SPART: variants seen among roughly 807,000 people sequenced by gnomAD.
SPART encodes the protein spastic paraplegia 20 (Troyer syndrome).
In SPART, 35 loss-of-function variants were observed where a neutral mutation model predicts 58.7. The ratio of observed to expected loss-of-function variants is 0.60; its 90% CI spans 0.46 to 0.79. SPART has a LOEUF of 0.79. Ranked by LOEUF, SPART falls within the 30% of genes least tolerant of loss-of-function variation. The pLI is 0.00. For synonymous variants in SPART, 284 were observed against 280.7 expected (o/e 1.01, Z -0.12); for missense variants, 730 against 786.1 (o/e 0.93, Z 0.85).
chr13:36,322,113 A>G (rs1882471605), intron 5 of SPART, among the ~76,000 whole-genome samples: 1 of 152,052 alleles, frequency 6.6e-6, no homozygotes, highest in South Asian at 2.1e-4. Flanking sequence ...GACTCAGCCC[A>G]CCTGCACCCA....
At chr13:36,367,921 A>G (rs561666124) in intron 1 of SPART, among the ~76,000 whole-genome samples, 5 of 152,346 alleles carry the variant, frequency 3.3e-5, no homozygotes, top group African/African-American at 9.6e-5. Flanking sequence ...TATTCTCAGG[A>G]TACGACGGAT....
chr13:36,313,845 G>A (rs1189510872), intron 6 of SPART: 2 of 247,520 alleles, frequency 8.1e-6, no homozygotes, highest in East Asian at 1.1e-4. Context: ...TACCTCCTGC[G>A]TTAAACAATA....
chr13:36,333,133 T>C (rs1883619142), intron 2 of SPART, among the ~76,000 whole-genome samples: 1 of 152,050 alleles, frequency 6.6e-6, no homozygotes, highest in South Asian at 2.1e-4. Flanking sequence ...TTTATAGACC[T>C]TTCCTAGGAC....
intron 1 of SPART, among the ~76,000 whole-genome samples, chr13:36,352,257 C>T (rs943437848): frequency 2.6e-5 from 4 of 152,200 alleles, no homozygotes; most frequent in Non-Finnish European, 4.4e-5. Context: ...CTCTTACAGA[C>T]CAAATATAGT....
intron 2 of SPART, among the ~76,000 whole-genome samples, chr13:36,334,221 G>GA (rs1364182817): frequency 6.6e-6 from 1 of 152,068 alleles, no homozygotes; most frequent in Non-Finnish European, 1.5e-5. Flanking sequence ...CTTTTAAAAC[G>GA]AGACTGTCAC....
chr13:36,315,986 T>C lies in SPART; in HGVS notation c.1289-1565A>G, dbSNP rs148028104. On this transcript the variant is annotated intron_variant, in intron 5 of 8. Transcript: ENST00000438666. ...TGGAAGTATACAGTATACATAAATA[T>C]GTTAAAACTGTAAACACTGCAACAG... Among the ~76,000 whole-genome samples, 247 of 152,336 alleles carry C rather than the reference T, an allele frequency of 1.6e-3. 1 individual carries two copies. The highest frequency in any genetic ancestry group is 3.1e-3 in the Admixed American group (47 of 15,296).
chr13:36,321,749 C>T (rs370073439), intron 5 of SPART, among the ~76,000 whole-genome samples: 2 of 152,136 alleles, frequency 1.3e-5, no homozygotes, highest in African/African-American at 4.8e-5. Flanking sequence ...AATGTCAGGC[C>T]TCTGAGCCCA....
chr13:36,365,250 AAATTAT>A (rs1886011721), intron 1 of SPART, among the ~76,000 whole-genome samples: 1 of 152,248 alleles, frequency 6.6e-6, no homozygotes, highest in Non-Finnish European at 1.5e-5. Context: ...AAGTAAAAAA[AAATTAT>A]ACAGTGCAAA....
chr13:36,304,388 C>A lies in SPART; in HGVS notation c.1978G>T (p.Glu660Ter). Residue 660 changes from glutamate (E) to a stop codon, truncating the protein, a stop_gained, in exon 9 of 9, where the codon GAG (glutamate) becomes TAG (stop). Coordinates refer to ENST00000438666, the MANE Select transcript of SPART (RefSeq NM_015087.5). LOFTEE classifies it high-confidence loss of function. ...EKDEQTKEVK[E>*]AKKKDK ...CATCATTTATCTTTCTTCTTTGCCT[C>A]CTTTACTTCCTTCGTCTGCTCATCC... The A allele has an allele frequency of 6.2e-7, 1 of 1,614,106 alleles. No individual in the cohort carries two copies. The highest frequency in any genetic ancestry group is 8.5e-7 in the Non-Finnish European group (1 of 1,179,982).
At chr13:36,324,807 C>T (rs760783873) in intron 5 of SPART, among the ~76,000 whole-genome samples, 20 of 151,902 alleles carry the variant, frequency 1.3e-4, no homozygotes, top group Non-Finnish European at 2.6e-4. Context: ...AGGGTGGGGC[C>T]GTTTTATAGG....
At chr13:36,356,594 C>A (rs1055940986) in intron 1 of SPART, among the ~76,000 whole-genome samples, 3 of 152,338 alleles carry the variant, frequency 2.0e-5, no homozygotes. Context: ...TGGAAGCCCT[C>A]CTACTTAAAG....
intron 8 of SPART, among the ~76,000 whole-genome samples, chr13:36,307,109 C>T (rs999092055): frequency 1.3e-5 from 2 of 152,022 alleles, no homozygotes; most frequent in African/African-American, 4.8e-5. Flanking sequence ...GCTATAAACT[C>T]CTAGAAAGCA....
At chr13:36,336,476 C>T (rs1327071799) in intron 1 of SPART, 1 of 152,116 alleles carries the variant, frequency 6.6e-6, no homozygotes, top group East Asian at 1.9e-4. Flanking sequence ...CATACTATTC[C>T]CTCAGAAAAG....
chr13:36,334,920 G>A (rs1469590254), intron 2 of SPART, 101 bp downstream of exon 2: 18 of 908,920 alleles, frequency 2.0e-5, no homozygotes, highest in Middle Eastern at 2.3e-4. Flanking sequence ...AGAATTTGTC[G>A]TTATCTTTTT....
intron 2 of SPART, among the ~76,000 whole-genome samples, chr13:36,334,682 G>C (rs921792024): frequency 6.6e-6 from 1 of 152,100 alleles, no homozygotes; most frequent in Non-Finnish European, 1.5e-5. Context: ...AATATTTACA[G>C]CTATACATCC....
chr13:36,322,071 A>T (rs148722497), intron 5 of SPART, among the ~76,000 whole-genome samples: 3,189 of 151,698 alleles, frequency 0.021, 108 homozygotes, highest in African/African-American at 0.072. Flanking sequence ...AAATGGCCCC[A>T]CCCTTATCTC....
rs961894711 is a variant in SPART at position 36,331,416 on chromosome 13, A to G, written c.991T>C (p.Ser331Pro). 6 of 1,614,146 alleles carry G rather than the reference A, an allele frequency of 3.7e-6. No individual in the cohort carries two copies. The highest frequency in any genetic ancestry group is 5.1e-6 in the Non-Finnish European group (6 of 1,180,006). Residue 331 changes from serine to proline, a missense_variant, in exon 3 of 9, where the codon TCT (serine) becomes CCT (proline). Coordinates refer to ENST00000438666, the MANE Select transcript of SPART (RefSeq NM_015087.5). ...CAAGTTACCTGGAGCCGAAGGTCAGACATTTGCCTTAACAGATCCTCAAAG... is the reference window on the plus strand; with the variant it reads ...CAAGTTACCTGGAGCCGAAGGTCAGGCATTTGCCTTAACAGATCCTCAAAG... ...ELFEDLLRQM[S>P]DLRLQANWNR...
intron 1 of SPART, chr13:36,368,130 C>T (rs753158805): frequency 2.9e-5 from 13 of 441,130 alleles, no homozygotes; most frequent in Non-Finnish European, 5.1e-5. Flanking sequence ...AGGAAAGAGT[C>T]GGGCATATTT....
At chr13:36,367,896 T>G (rs1349336781) in intron 1 of SPART, among the ~76,000 whole-genome samples, 1 of 152,216 alleles carries the variant, frequency 6.6e-6, no homozygotes, top group Non-Finnish European at 1.5e-5. Flanking sequence ...TTTCCTAAGC[T>G]TTTAAAAAAT....
Sources: allele counts gnomAD v4.1 joint callset (sites outside exome capture counted in the v4.1 genomes callset), GRCh38; gene constraint gnomAD v4.1.1; transcripts MANE v1.5; gene names NCBI Gene and HGNC (gene_info 2026-07-23, HGNC 2026-07-21).